PRPF31: variants seen among roughly 807,000 people sequenced by gnomAD.
PRPF31 encodes the protein pre-mRNA processing factor 31, also known as U4/U6 small nuclear ribonucleoprotein Prp31.
Under a neutral mutation model 60.4 loss-of-function variants are expected in PRPF31, and 12 were observed. The ratio of observed to expected loss-of-function variants is 0.20; its 90% CI spans 0.13 to 0.32. PRPF31 has a LOEUF of 0.32. Ranked by LOEUF, PRPF31 falls within the 10% of genes least tolerant of loss-of-function variation. The pLI is 1.00. For missense variants in PRPF31, 431 were observed against 687.1 expected (o/e 0.63, Z 4.17); for synonymous variants, 287 against 287.9 (o/e 1.00, Z 0.03).
chr19:54,122,005 T>TC, intron 4 of PRPF31, 62 bp downstream of exon 4: 1 of 1,506,552 alleles, frequency 6.6e-7, no homozygotes, highest in Non-Finnish European at 9.1e-7. Flanking sequence ...CCCTCTCCCT[T>TC]CCCCACTGGC....
intron 8 of PRPF31, 24 bp downstream of exon 8, chr19:54,124,680 C>T (rs765798173): frequency 4.4e-6 from 7 of 1,608,914 alleles, no homozygotes; most frequent in African/African-American, 1.3e-5. Flanking sequence ...GTCATGGCCC[C>T]TCCCCCGGCC....
rs1382399270 is a variant in PRPF31, at chr19:54,116,043, C to T, written c.-9+246C>T. ...TCAGCCTCCAGAGTAGCTGGGATTA[C>T]AGGCGCCCGCCACCACCCCTGACTA... On this transcript the variant is annotated intron_variant, in intron 1 of 13. Coordinates refer to ENST00000321030, the MANE Select transcript of PRPF31 (RefSeq NM_015629.4). Among the ~76,000 whole-genome samples, 6 of 151,286 alleles carry T rather than the reference C, an allele frequency of 4.0e-5. No homozygotes were observed. In the East Asian group the frequency reaches 9.7e-4, roughly 25 times the overall value.
chr19:54,122,060 G>T, intron 4 of PRPF31, 117 bp downstream of exon 4: 1 of 1,084,902 alleles, frequency 9.2e-7, no homozygotes, highest in Admixed American at 2.0e-5. Context: ...GATCGAGGTT[G>T]ACCTGCTGTC....
At chr19:54,119,112 G>A (rs1263927376) in intron 3 of PRPF31, among the ~76,000 whole-genome samples, 8 of 152,154 alleles carry the variant, frequency 5.3e-5, no homozygotes, top group Admixed American at 4.6e-4. Flanking sequence ...GCCGGGCGCC[G>A]TGGCTCACGC....
At position 54,131,596 on chromosome 19, in the gene PRPF31, C is replaced by A; in HGVS notation, c.*164C>A. 1 of 1,083,578 alleles carries A rather than the reference C, an allele frequency of 9.2e-7. No individual in the cohort carries two copies. The highest frequency in any genetic ancestry group is 1.4e-5 in the South Asian group (1 of 73,002). 67.1% of individuals were successfully genotyped at this position (1,083,578 alleles called of 1,614,324 possible). ...CTTGGAAGAGTCCGGCCTGGCCTCC[C>A]CCAGGACCGAGATCACCGCCCAGTA... On this transcript the variant is annotated 3_prime_UTR_variant, in exon 14 of 14. Transcript: ENST00000321030.
chr19:54,123,054 A>G (rs1281740860), intron 5 of PRPF31: 3 of 450,674 alleles, frequency 6.7e-6, no homozygotes, highest in Non-Finnish European at 1.2e-5. Context: ...AAAGAGGGGC[A>G]GGTGTGCGTG....
chr19:54,124,558 G>T lies in PRPF31; in HGVS notation c.757G>T (p.Gly253Trp). ...KMPACNIMLL[G>W]AQRKTLSGFS... ...GCCCGCCTGCAACATCATGCTGCTC[G>T]GGGCCCAGCGCAAGACGCTGTCGGG... is the stretch of plus-strand genomic sequence containing the variant. The change falls in exon 8 of 14, where the codon GGG becomes TGG. Residue 253 changes from glycine (G) to tryptophan (W), a missense_variant. Around this residue, in one of 4 missense-constraint regions of PRPF31, gnomAD observed 314 missense variants for 475.3 expected, o/e 0.66. Coordinates refer to ENST00000321030, the MANE Select transcript of PRPF31 (RefSeq NM_015629.4). The T allele has an allele frequency of 6.2e-7, 1 of 1,612,606 alleles. No homozygotes were observed. The highest frequency in any genetic ancestry group is 8.5e-7 in the Non-Finnish European group (1 of 1,179,762).
At chr19:54,129,790 T>G (rs905652724) in intron 13 of PRPF31, among the ~76,000 whole-genome samples, 2 of 150,896 alleles carry the variant, frequency 1.3e-5, no homozygotes, top group East Asian at 3.9e-4. Flanking sequence ...CAGTCAGCAG[T>G]GAGCAGCGTG....
chr19:54,121,801 G>A (rs1240644654), intron 3 of PRPF31, 59 bp from the exon 4 acceptor site: 7 of 1,507,122 alleles, frequency 4.6e-6, no homozygotes, highest in African/African-American at 2.8e-5. Context: ...CTCCAGCTGC[G>A]GGACCCGAGA....
chr19:54,129,413 G>C, intron 13 of PRPF31, 43 bp downstream of exon 13: 1 of 1,550,782 alleles, frequency 6.4e-7, no homozygotes. Context: ...CTGAGACCTT[G>C]GCAAGGCCCC....
At position 54,123,474 on chromosome 19, in the gene PRPF31, C is replaced by T. The variant is rs1320160844; in HGVS notation, c.441C>T (p.Asp147=). 1.9e-6 allele frequency: 3 copies of T among 1,614,056 alleles called. No homozygotes were observed. Among genetic ancestry groups the T allele is most frequent in the African/African-American group, 1.3e-5 (1 of 74,924 alleles). The change falls in exon 6 of 14, where the codon GAC becomes GAT. Residue 147 remains aspartate (D), a synonymous_variant. Transcript: ENST00000321030. The part of the protein sequence containing the change: ...RTVKELGNSL[D]KCKNNENLQQ... ...CCCAGGAGCTGGGCAACAGCCTGGA[C>T]AAGTGCAAGAACAATGAGAACCTGC...
At chr19:54,128,510 C>A (rs373552345) in intron 11 of PRPF31, 133 bp downstream of exon 11, 52 of 938,624 alleles carry the variant, frequency 5.5e-5, no homozygotes, top group Middle Eastern at 3.2e-4. Context: ...CCTCCCCCCC[C>A]CCGGCCTCTA....
rs1326776271 is a variant in PRPF31, at chr19:54,123,987, C to G, written c.697+69C>G. 3 of 1,601,770 alleles carry G rather than the reference C, an allele frequency of 1.9e-6. No individual in the cohort carries two copies. The African/African-American group carries it at 4.0e-5, about 21-fold the overall frequency. On this transcript the variant is annotated intron_variant, in intron 7 of 13. Transcript: ENST00000321030. ...ACTGTGACCTTGGGAAAGCTACATC[C>G]TTTTCTGTAGAATGGGGGCTTTGGC...
intron 5 of PRPF31, chr19:54,123,216 T>G: frequency 1.7e-6 from 1 of 599,136 alleles, no homozygotes; most frequent in South Asian, 2.0e-5. Context: ...CAGACGCCAC[T>G]CTGCCCGGGC....
intron 11 of PRPF31, 128 bp downstream of exon 11, chr19:54,128,505 C>T (rs10417221): frequency 0.17 from 158,854 of 935,474 alleles, 16,214 homozygotes; most frequent in Admixed American, 0.34. Flanking sequence ...CCCAGCCTCC[C>T]CCCCCCCGGC....
chr19:54,129,204 T>G lies in PRPF31; in HGVS notation c.1275+19T>G. On this transcript the variant is annotated intron_variant, in intron 12 of 13. Transcript: ENST00000321030. Reference sequence around the variant, plus strand: ...GCTGCAGGTATGGGCCAGACCCAGGTGGGGCTGGGGACCGAGGGACACAAG... The same window carrying G: ...GCTGCAGGTATGGGCCAGACCCAGGGGGGGCTGGGGACCGAGGGACACAAG... The G allele has an allele frequency of 6.3e-7, 1 of 1,593,756 alleles. No homozygotes were observed. Among genetic ancestry groups the G allele is most frequent in the Non-Finnish European group, 8.5e-7 (1 of 1,170,616 alleles).
chr19:54,125,767 G>A (rs1361405254), intron 8 of PRPF31, among the ~76,000 whole-genome samples: 1 of 152,162 alleles, frequency 6.6e-6, no homozygotes, highest in Non-Finnish European at 1.5e-5. Flanking sequence ...AGGGAGGCTG[G>A]CAGGTCACCC....
chr19:54,129,139 C>T lies in PRPF31; in HGVS notation c.1229C>T (p.Thr410Ile). 6.3e-7 allele frequency: 1 copy of T among 1,581,394 alleles called. No individual in the cohort carries two copies. The highest frequency in any genetic ancestry group is 8.6e-7 in the Non-Finnish European group (1 of 1,164,402). The change falls in exon 12 of 14, where the codon ACA becomes ATA. Residue 410 changes from threonine to isoleucine, a missense_variant. Physicochemically the swap from Thr to Ile is moderately conservative, Grantham distance 89. Coordinates refer to ENST00000321030, the MANE Select transcript of PRPF31 (RefSeq NM_015629.4). ...GKSGSGRVRQ[T>I]QVNEATKARI... ...TCGGGCAGTGGGCGTGTGCGGCAGA[C>T]ACAGGTAAACGAGGCCACCAAGGCC...
At position 54,123,829 on chromosome 19, in the gene PRPF31, G is replaced by A; in HGVS notation, c.608G>A (p.Arg203His). Residue 203 changes from arginine (R) to histidine (H), a missense_variant, in exon 7 of 14, where the codon CGC (arginine) becomes CAC (histidine). Coordinates refer to ENST00000321030, the MANE Select transcript of PRPF31 (RefSeq NM_015629.4). ...MALELNASKH[R>H]IYEYVESRMS... is the part of the protein sequence containing the mutation. ...CTGGAGCTGAACGCCTCCAAGCACCGCATCTACGAGTATGTGGAGTCCCGG... is the reference window on the plus strand; with the variant it reads ...CTGGAGCTGAACGCCTCCAAGCACCACATCTACGAGTATGTGGAGTCCCGG... 3 of 1,613,720 alleles carry A rather than the reference G, an allele frequency of 1.9e-6. No individual in the cohort carries two copies. The highest frequency in any genetic ancestry group is 2.5e-6 in the Non-Finnish European group (3 of 1,180,020).
Sources: gnomAD v4.1 joint callset for allele counts (sites outside exome capture counted in the v4.1 genomes callset) on GRCh38, gnomAD v4.1.1 for gene constraint, gnomAD v4.1.1 regional missense constraint, MANE v1.5 for transcripts, NCBI Gene and HGNC (gene_info 2026-07-23, HGNC 2026-07-21) for gene names.